ETNK1: variants seen among roughly 807,000 people sequenced by gnomAD.
The protein encoded by ETNK1 is putative protein product of Nbla10396.
In ETNK1, 8 loss-of-function variants were observed where a neutral mutation model predicts 45.1. The observed-to-expected ratio is 0.18, with a 90% confidence interval of 0.10 to 0.32. The LOEUF is 0.32. Among genes scored for constraint, ETNK1 ranks in the 10% least tolerant of loss-of-function variants. ETNK1 has a pLI of 1.00. For missense variants in ETNK1, 302 were observed against 430.6 expected, an observed-to-expected ratio of 0.70 and a Z score of 2.64; for synonymous variants, 152 against 151.9, an observed-to-expected ratio of 1.00 and a Z score of -0.01.
chr12:22,682,386 A>AG, intron 6 of ETNK1: 1 of 358,412 alleles, frequency 2.8e-6, no homozygotes, highest in Non-Finnish European at 5.7e-6. Flanking sequence ...CAAATACTCA[A>AG]GTCTGATAAC....
At chr12:22,658,391 C>T (rs1325613785) in intron 2 of ETNK1, among the ~76,000 whole-genome samples, 1 of 152,192 alleles carries the variant, frequency 6.6e-6, no homozygotes, top group East Asian at 1.9e-4. Flanking sequence ...AGGAATCTGA[C>T]TCACCAGTGG....
At chr12:22,682,096 TG>T (rs1463387249) in intron 6 of ETNK1, among the ~76,000 whole-genome samples, 1 of 152,192 alleles carries the variant, frequency 6.6e-6, no homozygotes, top group East Asian at 1.9e-4. Flanking sequence ...ATTAGTTATT[TG>T]GAAAATAATT....
Position 22,661,048 on chromosome 12 carries a change from T to C in ETNK1, c.558-15T>C. 1 of 1,596,582 alleles carries C rather than the reference T, an allele frequency of 6.3e-7. No individual in the cohort carries two copies. Among genetic ancestry groups the C allele is most frequent in the Non-Finnish European group, 8.5e-7 (1 of 1,175,336 alleles). ...AATGTCACACAAGATATAACTCTTC[T>C]TTTAAAACTAAAAGGTTCCTAAGTG... On this transcript the variant is annotated splice_polypyrimidine_tract_variant and intron_variant, in intron 3 of 7. Transcript: ENST00000266517.
chr12:22,628,935 C>T (rs1953538838), intron 1 of ETNK1, among the ~76,000 whole-genome samples: 1 of 152,084 alleles, frequency 6.6e-6, no homozygotes, highest in Non-Finnish European at 1.5e-5. Flanking sequence ...TGTTACAGTG[C>T]TCAAGAGCAT....
rs1226816378 is a variant in ETNK1, at chr12:22,643,931, C to T, written c.325C>T (p.Leu109Phe). 1.9e-6 allele frequency: 3 copies of T among 1,613,246 alleles called. No individual in the cohort carries two copies. In the African/African-American group the frequency reaches 4.0e-5, roughly 22 times the overall value. The change falls in exon 2 of 8, where the codon CTC (leucine) becomes TTC (phenylalanine). Residue 109 changes from leucine to phenylalanine, a missense_variant. Around this residue, in one of 3 missense-constraint regions of ETNK1, gnomAD observed 205 missense variants for 259.9 expected, o/e 0.79. Coordinates refer to ENST00000266517, the MANE Select transcript of ETNK1 (RefSeq NM_018638.5). ...GCAGGCTCATGGGTGTGCACCACAA[C>T]TCTACTGTACCTTCAATAATGGACT... ...VLQAHGCAPQ[L>F]YCTFNNGLCY...
chr12:22,672,004 A>T (rs1032363297), intron 5 of ETNK1, among the ~76,000 whole-genome samples: 1 of 151,984 alleles, frequency 6.6e-6, no homozygotes, highest in African/African-American at 2.4e-5. Flanking sequence ...CAAGAAAGAA[A>T]CTCACCAAGG....
intron 1 of ETNK1, among the ~76,000 whole-genome samples, chr12:22,628,285 G>T (rs992157696): frequency 6.6e-6 from 1 of 152,050 alleles, no homozygotes; most frequent in African/African-American, 2.4e-5. Flanking sequence ...ATGAATTATT[G>T]TTCTATGACC....
intron 6 of ETNK1, among the ~76,000 whole-genome samples, chr12:22,677,644 A>G (rs527709616): frequency 1.3e-5 from 2 of 152,370 alleles, no homozygotes; most frequent in South Asian, 2.1e-4. Flanking sequence ...ATCTATGAGC[A>G]TGGAATGTTT....
intron 6 of ETNK1, among the ~76,000 whole-genome samples, chr12:22,684,033 G>A (rs1330220378): frequency 6.6e-6 from 1 of 152,054 alleles, no homozygotes; most frequent in Non-Finnish European, 1.5e-5. Flanking sequence ...TCAGATGTTT[G>A]TCACCCCTAG....
At chr12:22,659,988 G>C (rs909777885) in intron 3 of ETNK1, among the ~76,000 whole-genome samples, 3 of 138,262 alleles carry the variant, frequency 2.2e-5, no homozygotes, top group Non-Finnish European at 4.6e-5. Context: ...CATGATTTAA[G>C]TTTTATAATC....
At chr12:22,625,844 CG>C (rs1010722973) in intron 1 of ETNK1, 8 of 689,440 alleles carry the variant, frequency 1.2e-5, no homozygotes, top group Admixed American at 1.0e-4. Context: ...GACCCATCCA[CG>C]GGGGGAGATT....
At chr12:22,634,316 CTT>C (rs1953625248) in intron 1 of ETNK1, among the ~76,000 whole-genome samples, 2 of 151,984 alleles carry the variant, frequency 1.3e-5, no homozygotes, top group African/African-American at 4.8e-5. Flanking sequence ...TATATAGTCT[CTT>C]TTTTATTACT....
At chr12:22,647,376 G>A (rs1953819976) in intron 2 of ETNK1, among the ~76,000 whole-genome samples, 1 of 151,964 alleles carries the variant, frequency 6.6e-6, no homozygotes, top group East Asian at 1.9e-4. Flanking sequence ...TTGTGTGCAT[G>A]TACAGTTGGT....
intron 2 of ETNK1, among the ~76,000 whole-genome samples, chr12:22,648,667 G>A (rs1953837270): frequency 6.6e-6 from 1 of 152,030 alleles, no homozygotes; most frequent in Admixed American, 6.6e-5. Context: ...TATGAATTAA[G>A]CTGCTATAAG....
At chr12:22,639,913 G>A (rs534796108) in intron 1 of ETNK1, among the ~76,000 whole-genome samples, 30 of 152,252 alleles carry the variant, frequency 2.0e-4, no homozygotes, top group African/African-American at 7.0e-4. Flanking sequence ...TTGTCAACGG[G>A]AATTCTTTGG....
intron 1 of ETNK1, among the ~76,000 whole-genome samples, chr12:22,637,863 G>A (rs549881401): frequency 4.4e-5 from 4 of 91,676 alleles, no homozygotes; most frequent in African/African-American, 1.2e-4. Flanking sequence ...GTGACAGAGC[G>A]AGAGAGAGAG....
At chr12:22,638,868 A>C (rs1953691108) in intron 1 of ETNK1, 1 of 152,092 alleles carries the variant, frequency 6.6e-6, no homozygotes, top group African/African-American at 2.4e-5. Flanking sequence ...TCTCAGTCAG[A>C]CCTTGTCTTT....
intron 1 of ETNK1, among the ~76,000 whole-genome samples, chr12:22,630,712 G>A: frequency 6.6e-6 from 1 of 152,084 alleles, no homozygotes; most frequent in Non-Finnish European, 1.5e-5. Flanking sequence ...CCAGGTTCAA[G>A]TGATTCTCGT....
At chr12:22,653,668 A>C (rs1044289448) in intron 2 of ETNK1, among the ~76,000 whole-genome samples, 4 of 152,168 alleles carry the variant, frequency 2.6e-5, no homozygotes, top group Non-Finnish European at 4.4e-5. Context: ...TTGTTAGTGT[A>C]AAAGTGCAAC....
Sources: gnomAD v4.1 joint callset for allele counts (sites outside exome capture counted in the v4.1 genomes callset) on GRCh38, gnomAD v4.1.1 for gene constraint, gnomAD v4.1.1 regional missense constraint, MANE v1.5 for transcripts, NCBI Gene and HGNC (gene_info 2026-07-23, HGNC 2026-07-21) for gene names.